NYAP2: variants seen among roughly 807,000 people sequenced by gnomAD.
NYAP2 encodes the protein neuronal tyrosine-phosphorylated phosphoinositide-3-kinase adapter 2.
Under a neutral mutation model 50.4 loss-of-function variants are expected in NYAP2, and 23 were observed. The ratio of observed to expected loss-of-function variants is 0.46; its 90% CI spans 0.33 to 0.65. The LOEUF (loss-of-function observed/expected upper bound fraction) is 0.65. NYAP2 is among the 30% of genes least tolerant of loss of function. The pLI, the probability that NYAP2 is intolerant of heterozygous loss-of-function variation, is 0.02. For synonymous variants in NYAP2, 394 were observed against 365.2 expected, an observed-to-expected ratio of 1.08 and a Z score of -0.90; for missense variants, 885 against 861.0, an observed-to-expected ratio of 1.03 and a Z score of -0.35.
chr2:225,477,472 G>A (rs907207784), intron 3 of NYAP2, among the ~76,000 whole-genome samples: 5 of 151,872 alleles, frequency 3.3e-5, no homozygotes, highest in African/African-American at 9.7e-5. Flanking sequence ...TCCTGACCTC[G>A]TGATCCGCCT....
intron 3 of NYAP2, among the ~76,000 whole-genome samples, chr2:225,493,178 G>A (rs923149774): frequency 1.3e-5 from 2 of 151,924 alleles, no homozygotes; most frequent in Admixed American, 6.6e-5. Context: ...TAAAGATAGG[G>A]GTCTTGCCAT....
At chr2:225,694,033 C>G in the NYAP2 span, among the ~76,000 whole-genome samples, 1 of 152,102 alleles carries the variant, frequency 6.6e-6, no homozygotes, top group East Asian at 1.9e-4. Flanking sequence ...AAATCTTGTC[C>G]TAGAGGTGTG....
intron 5 of NYAP2, among the ~76,000 whole-genome samples, chr2:225,589,516 A>AAAATATATATAT (rs112700820): frequency 3.6e-4 from 26 of 71,312 alleles, no homozygotes; most frequent in African/African-American, 7.1e-4. Context: ...CTAAAAGTAA[A>AAAATATATATAT]ATATATATAT....
intron 6 of NYAP2, among the ~76,000 whole-genome samples, chr2:225,634,287 T>G (rs981057449): frequency 2.0e-5 from 3 of 152,110 alleles, no homozygotes; most frequent in Non-Finnish European, 2.9e-5. Flanking sequence ...CGCCATATGG[T>G]TTTAACCTTC....
intron 4 of NYAP2, among the ~76,000 whole-genome samples, chr2:225,559,106 C>T (rs1446037377): frequency 2.6e-5 from 4 of 152,066 alleles, no homozygotes; most frequent in Non-Finnish European, 5.9e-5. Flanking sequence ...TTATCCCCTT[C>T]TGTCCTTTTG....
At chr2:225,537,227 A>G (rs1487215452) in intron 4 of NYAP2, among the ~76,000 whole-genome samples, 1 of 152,112 alleles carries the variant, frequency 6.6e-6, no homozygotes, top group East Asian at 1.9e-4. Flanking sequence ...GATCATGTGC[A>G]GTTTGTCTTT....
At chr2:225,510,226 G>T (rs1229194263) in intron 3 of NYAP2, among the ~76,000 whole-genome samples, 1 of 152,156 alleles carries the variant, frequency 6.6e-6, no homozygotes, top group East Asian at 1.9e-4. Context: ...ATAAGATTTG[G>T]CTAATAGGTT....
At chr2:225,588,217 C>A (rs1692421894) in intron 5 of NYAP2, among the ~76,000 whole-genome samples, 1 of 152,086 alleles carries the variant, frequency 6.6e-6, no homozygotes, top group Admixed American at 6.6e-5. Context: ...TGAGCCACTG[C>A]ACCCAGCCAG....
chr2:225,534,051 A>G (rs573720583), intron 4 of NYAP2, among the ~76,000 whole-genome samples: 7 of 152,230 alleles, frequency 4.6e-5, no homozygotes, highest in Non-Finnish European at 1.0e-4. Context: ...AATTAAATGT[A>G]AAATTAATTG....
At chr2:225,443,278 G>A (rs1188078915) in intron 3 of NYAP2, among the ~76,000 whole-genome samples, 1 of 152,070 alleles carries the variant, frequency 6.6e-6, no homozygotes, top group African/African-American at 2.4e-5. Context: ...ATAACATTGA[G>A]GTAATTACCA....
At chr2:225,546,701 C>G (rs1461220822) in intron 4 of NYAP2, among the ~76,000 whole-genome samples, 1 of 152,074 alleles carries the variant, frequency 6.6e-6, no homozygotes, top group Non-Finnish European at 1.5e-5. Context: ...AAGCTGGCAC[C>G]TAAAATGAAA....
chr2:225,693,223 T>C, the NYAP2 span, among the ~76,000 whole-genome samples: 111 of 152,252 alleles, frequency 7.3e-4, no homozygotes, highest in African/African-American at 2.6e-3. Flanking sequence ...TTCTCTAGGA[T>C]GTGACAGTTT....
intron 4 of NYAP2, among the ~76,000 whole-genome samples, chr2:225,557,211 G>T (rs1171085246): frequency 1.3e-5 from 2 of 152,054 alleles, no homozygotes; most frequent in African/African-American, 2.4e-5. Flanking sequence ...ACAAAATCTT[G>T]CCATTGTTTA....
intron 6 of NYAP2, among the ~76,000 whole-genome samples, chr2:225,641,306 A>G (rs1302547746): frequency 1.3e-5 from 2 of 152,094 alleles, no homozygotes; most frequent in Non-Finnish European, 2.9e-5. Context: ...CTCTGTCTGA[A>G]TTATGCTAGG....
chr2:225,604,392 A>C (rs1352746229), intron 5 of NYAP2, among the ~76,000 whole-genome samples: 1 of 152,114 alleles, frequency 6.6e-6, no homozygotes, highest in Admixed American at 6.6e-5. Flanking sequence ...GCTGGGGCTC[A>C]ATAACTATTT....
chr2:225,409,060 G>A (rs760799262), exon 3 of NYAP2: 8 of 1,610,882 alleles, frequency 5.0e-6, no homozygotes, highest in Non-Finnish European at 5.9e-6. Context: ...ATTTGAAAGA[G>A]AAGAATGAAA....
At chr2:225,615,022 T>A (rs1041739661) in intron 5 of NYAP2, among the ~76,000 whole-genome samples, 5 of 152,108 alleles carry the variant, frequency 3.3e-5, no homozygotes, top group African/African-American at 1.2e-4. Context: ...GTCAAAAAAA[T>A]TCCAGCTGGC....
intron 5 of NYAP2, among the ~76,000 whole-genome samples, chr2:225,622,518 C>CTTCTTTCTTTCT (rs1553557351): frequency 0.019 from 1,351 of 70,258 alleles, 26 homozygotes; most frequent in East Asian, 0.042. Context: ...TTCTTTCTTT[C>CTTCTTTCTTTCT]TTCTTTCTTT....
chr2:225,522,426 G>A (rs1439370432), intron 4 of NYAP2, among the ~76,000 whole-genome samples: 1 of 152,054 alleles, frequency 6.6e-6, no homozygotes, highest in Non-Finnish European at 1.5e-5. Context: ...CAAAAATTGG[G>A]ATACCTGCTA....
Sources: allele counts gnomAD v4.1 joint callset (sites outside exome capture counted in the v4.1 genomes callset), GRCh38; gene constraint gnomAD v4.1.1; transcripts MANE v1.5; gene names NCBI Gene and HGNC (gene_info 2026-07-23, HGNC 2026-07-21).